Variants in RBFOX1 observed in about 807,000 individuals in gnomAD.
The protein encoded by RBFOX1 is RNA binding fox-1 homolog 1.
Under a neutral mutation model 57.7 loss-of-function variants are expected in RBFOX1, and 8 were observed. The ratio of observed to expected loss-of-function variants is 0.14; its 90% CI spans 0.08 to 0.25. The LOEUF is 0.25. Among genes scored for constraint, RBFOX1 ranks in the 10% least tolerant of loss-of-function variants. The pLI is 1.00. For synonymous variants in RBFOX1, 326 were observed against 222.4 expected (o/e 1.47, Z -4.15); for missense variants, 611 against 548.5 (o/e 1.11, Z -1.14).
At chr16:6,304,847 A>G (rs1262113546) in intron 1 of RBFOX1, among the ~76,000 whole-genome samples, 15 of 135,038 alleles carry the variant, frequency 1.1e-4, no homozygotes, top group Non-Finnish European at 1.8e-4. Context: ...ACTATACTCC[A>G]GACTGGGTGA....
chr16:5,343,910 G>C (rs1226076966), intron 1 of RBFOX1, among the ~76,000 whole-genome samples: 3 of 152,170 alleles, frequency 2.0e-5, no homozygotes. Context: ...TGGATTTCTG[G>C]TATAAATGTG....
intron 4 of RBFOX1, among the ~76,000 whole-genome samples, chr16:7,330,867 G>T (rs143350468): frequency 6.6e-6 from 1 of 152,120 alleles, no homozygotes; most frequent in Non-Finnish European, 1.5e-5. Flanking sequence ...AGACACGTCC[G>T]TCTCACAGTG....
intron 2 of RBFOX1, among the ~76,000 whole-genome samples, chr16:5,492,535 A>G (rs1052820116): frequency 1.1e-4 from 16 of 152,242 alleles, no homozygotes; most frequent in African/African-American, 3.9e-4. Flanking sequence ...AGAGATTTTA[A>G]TGGAGAGATA....
chr16:7,210,784 G>T (rs750766795), intron 4 of RBFOX1, among the ~76,000 whole-genome samples: 1 of 152,058 alleles, frequency 6.6e-6, no homozygotes, highest in African/African-American at 2.4e-5. Flanking sequence ...GTCACACAGG[G>T]CTGAAAAGTA....
intron 1 of RBFOX1, among the ~76,000 whole-genome samples, chr16:6,182,682 C>G (rs923302363): frequency 3.3e-5 from 5 of 152,182 alleles, no homozygotes; most frequent in Admixed American, 3.3e-4. Flanking sequence ...ATTTTTGCAA[C>G]AAATGCTGAT....
At chr16:6,935,031 C>T (rs1050889706) in intron 3 of RBFOX1, among the ~76,000 whole-genome samples, 1 of 151,628 alleles carries the variant, frequency 6.6e-6, no homozygotes, top group Non-Finnish European at 1.5e-5. Context: ...GGGGTTGTTG[C>T]AGTGAGACAA....
Position 5,677,218 on chromosome 16 carries a change from A to G in RBFOX1, c.318+78257A>G, listed in dbSNP as rs560709173. 2.4e-4 allele frequency among the ~76,000 whole-genome samples: 36 copies of G among 152,296 alleles called. No homozygotes were observed. In the South Asian group the frequency reaches 7.0e-3, roughly 30 times the overall value. On this transcript the variant is annotated intron_variant, in intron 3 of 19. Transcript: ENST00000641259. ...TCTTTCTAAAAGACCAGAGATACCA[A>G]TTCTCTTGAGGCTGTTGAGTATCAC... is the stretch of plus-strand genomic sequence containing the variant.
chr16:7,246,464 G>A (rs1434377474), intron 4 of RBFOX1, among the ~76,000 whole-genome samples: 5 of 152,054 alleles, frequency 3.3e-5, no homozygotes, highest in Non-Finnish European at 4.4e-5. Flanking sequence ...AATCAAACTC[G>A]TTGTTTTGCT....
intron 4 of RBFOX1, among the ~76,000 whole-genome samples, chr16:7,250,906 G>T (rs1393316664): frequency 1.3e-5 from 2 of 152,210 alleles, no homozygotes; most frequent in Non-Finnish European, 2.9e-5. Flanking sequence ...GACAAAGATG[G>T]TATACATTTA....
intron 2 of RBFOX1, among the ~76,000 whole-genome samples, chr16:6,460,334 A>G (rs1173562061): frequency 1.3e-5 from 2 of 152,010 alleles, no homozygotes; most frequent in Non-Finnish European, 2.9e-5. Flanking sequence ...ATGAGAGAAA[A>G]TTTTTGCAAT....
chr16:5,265,049 C>T (rs909176957), intron 1 of RBFOX1, among the ~76,000 whole-genome samples: 4 of 151,766 alleles, frequency 2.6e-5, no homozygotes, highest in African/African-American at 7.3e-5. Flanking sequence ...AAAGTTCCTT[C>T]TTACCAAAAA....
At chr16:5,709,068 C>T (rs957298110) in intron 3 of RBFOX1, among the ~76,000 whole-genome samples, 21 of 152,176 alleles carry the variant, frequency 1.4e-4, no homozygotes, top group African/African-American at 4.3e-4. Context: ...TAATAGATCC[C>T]GTGAGTCATC....
intron 1 of RBFOX1, among the ~76,000 whole-genome samples, chr16:6,132,100 T>C (rs914126590): frequency 1.3e-4 from 20 of 152,230 alleles, no homozygotes; most frequent in Non-Finnish European, 2.1e-4. Context: ...ATCTACTTTA[T>C]ACCAGCTTTT....
intron 2 of RBFOX1, among the ~76,000 whole-genome samples, chr16:6,625,101 G>A (rs1318988366): frequency 8.0e-6 from 1 of 125,434 alleles, no homozygotes; most frequent in Non-Finnish European, 1.6e-5. Flanking sequence ...GGAGGCAAAA[G>A]TTGCAGTGAG....
At chr16:5,932,962 T>C (rs12443907) in intron 4 of RBFOX1, among the ~76,000 whole-genome samples, 31,607 of 152,120 alleles carry the variant, frequency 0.21, 4,244 homozygotes, top group Non-Finnish European at 0.3. Context: ...TGATATCACT[T>C]TAAAAAGCGA....
rs549544431 is a variant in RBFOX1, at chr16:5,888,792, A to T, written c.351+21457A>T. 1.2e-3 allele frequency among the ~76,000 whole-genome samples: 89 copies of T among 76,376 alleles called. No homozygotes were observed. In the East Asian group the frequency reaches 0.032, roughly 28 times the overall value. 50.1% of individuals were successfully genotyped at this position (76,376 alleles called of 152,430 possible). The stretch of plus-strand genomic sequence containing the variant: ...AATCTGGGCGACAAGAGCGAAACTC[A>T]GTCTAAAAAAAAAAAAAAAAAAAAA... On this transcript the variant is annotated intron_variant, in intron 4 of 19. Transcript: ENST00000641259.
At chr16:7,101,875 G>A (rs1225282672) in intron 4 of RBFOX1, among the ~76,000 whole-genome samples, 1 of 152,130 alleles carries the variant, frequency 6.6e-6, no homozygotes, top group African/African-American at 2.4e-5. Context: ...GGATTGTACA[G>A]TTGGTAAACT....
intron 3 of RBFOX1, among the ~76,000 whole-genome samples, chr16:5,723,527 A>AGGTCT (rs2082643259): frequency 2.0e-5 from 3 of 151,756 alleles, no homozygotes; most frequent in African/African-American, 7.3e-5. Context: ...ATGGTGTCTG[A>AGGTCT]GATCTGATTT....
chr16:6,687,010 A>G (rs1446748113), intron 3 of RBFOX1, among the ~76,000 whole-genome samples: 2 of 152,206 alleles, frequency 1.3e-5, no homozygotes, highest in Non-Finnish European at 2.9e-5. Context: ...TCGTCATGGA[A>G]AAGCATGGTT....
Sources: gnomAD v4.1 joint callset for allele counts (sites outside exome capture counted in the v4.1 genomes callset) on GRCh38, gnomAD v4.1.1 for gene constraint, MANE v1.5 for transcripts, NCBI Gene and HGNC (gene_info 2026-07-23, HGNC 2026-07-21) for gene names.